ITGB5: variants seen among roughly 807,000 people sequenced by gnomAD.
ITGB5 encodes integrin subunit beta 5.
A neutral mutation model predicts 84.8 loss-of-function variants in ITGB5; 38 were observed. The observed-to-expected ratio is 0.45, with a 90% confidence interval of 0.35 to 0.59. The LOEUF is 0.59. Among genes scored for constraint, ITGB5 ranks in the 20% least tolerant of loss-of-function variants. The probability of loss-of-function intolerance (pLI) is 0.01; values close to 1 mark genes in which losing one functional copy is unlikely to be tolerated. For missense variants in ITGB5, 905 were observed against 1,034.5 expected (o/e 0.87, Z 1.72); for synonymous variants, 393 against 414.4 (o/e 0.95, Z 0.63).
At chr3:124,832,758 T>C (rs1179539196) in intron 5 of ITGB5, 2 of 152,332 alleles carry the variant, frequency 1.3e-5, no homozygotes, top group East Asian at 1.9e-4. Context: ...TTGTACACAG[T>C]AAGTACTCAA....
chr3:124,801,946 A>G lies in ITGB5; in HGVS notation c.1264-5129T>C, dbSNP rs574232781. Among the ~76,000 whole-genome samples, 269 of 152,316 alleles carry G rather than the reference A, an allele frequency of 1.8e-3. 3 individuals carry two copies. Among genetic ancestry groups the G allele is most frequent in the Non-Finnish European group, 1.0e-3 (68 of 68,030 alleles). ...ACACCCTAGCAGACACATCTTGCCA[A>G]TATGCACATGGGAGGCCCACTGATG... On this transcript the variant is annotated intron_variant, in intron 9 of 14. Coordinates refer to ENST00000296181, the MANE Select transcript of ITGB5 (RefSeq NM_002213.5).
At chr3:124,779,207 C>G (rs1309332088) in intron 10 of ITGB5, among the ~76,000 whole-genome samples, 1 of 151,602 alleles carries the variant, frequency 6.6e-6, no homozygotes, top group Non-Finnish European at 1.5e-5. Context: ...GCACCCAGAA[C>G]AGCAGAACTC....
At chr3:124,799,387 C>G (rs1007317557) in intron 9 of ITGB5, among the ~76,000 whole-genome samples, 2 of 152,098 alleles carry the variant, frequency 1.3e-5, no homozygotes. Flanking sequence ...GGCAAAACCC[C>G]ATCTCTACCA....
At chr3:124,843,532 C>T (rs1160078678) in intron 4 of ITGB5, among the ~76,000 whole-genome samples, 2 of 152,180 alleles carry the variant, frequency 1.3e-5, no homozygotes, top group African/African-American at 4.8e-5. Context: ...CAAAGAATGA[C>T]TGTTAAGTAG....
chr3:124,874,306 G>GAAAAAAAAAAAAAAAAAAAAA (rs59287818), intron 1 of ITGB5, among the ~76,000 whole-genome samples: 1 of 113,390 alleles, frequency 8.8e-6, no homozygotes. Flanking sequence ...TCAAAAGCCG[G>GAAAAAAAAAAAAAAAAAAAAA]AAAAAAAAAA....
chr3:124,842,035 C>T (rs2065018100), intron 4 of ITGB5, among the ~76,000 whole-genome samples: 1 of 152,246 alleles, frequency 6.6e-6, no homozygotes, highest in East Asian at 1.9e-4. Context: ...CACAGGATCA[C>T]ATAATCTTGT....
At chr3:124,856,905 T>C (rs952220856) in intron 3 of ITGB5, among the ~76,000 whole-genome samples, 3 of 152,196 alleles carry the variant, frequency 2.0e-5, no homozygotes, top group African/African-American at 7.2e-5. Context: ...CACAGCTCTG[T>C]AAGAGTTCCC....
chr3:124,766,228 GGCT>G lies in ITGB5; in HGVS notation c.2132_2134del (p.Glu711_Pro712delinsAla), dbSNP rs755511649. On this transcript the variant is annotated inframe_deletion, in exon 13 of 15. Coordinates refer to ENST00000296181, the MANE Select transcript of ITGB5 (RefSeq NM_002213.5). ...GAGCCCTTGCAGCCCTCACCTACCT[GGCT>G]CCCTGAGGACGGTCAGGTTGGACTT... 10 of 1,613,384 alleles carry G rather than the reference GGCT, an allele frequency of 6.2e-6. No individual in the cohort carries two copies. Among genetic ancestry groups the G allele is most frequent in the Non-Finnish European group, 8.5e-6 (10 of 1,179,806 alleles).
chr3:124,894,224 C>T (rs1204927742), intron 1 of ITGB5, among the ~76,000 whole-genome samples: 1 of 143,882 alleles, frequency 7.0e-6, no homozygotes. Flanking sequence ...GCTCCGCCTC[C>T]CAGGTTCATG....
At chr3:124,868,110 T>C (rs1002908908) in intron 2 of ITGB5, among the ~76,000 whole-genome samples, 1 of 152,172 alleles carries the variant, frequency 6.6e-6, no homozygotes, top group African/African-American at 2.4e-5. Flanking sequence ...GAAGGTGCAT[T>C]GCTTCCCCTT....
chr3:124,774,868 C>T (rs1209207775), intron 10 of ITGB5, among the ~76,000 whole-genome samples: 6 of 152,198 alleles, frequency 3.9e-5, no homozygotes, highest in African/African-American at 1.2e-4. Flanking sequence ...TGAATCCGCA[C>T]AGTGACTTAT....
At chr3:124,801,240 T>G (rs372940809) in intron 9 of ITGB5, among the ~76,000 whole-genome samples, 1 of 152,092 alleles carries the variant, frequency 6.6e-6, no homozygotes, top group East Asian at 1.9e-4. Flanking sequence ...GCATACTGAT[T>G]TGTTGAAGCC....
At chr3:124,870,745 A>G (rs75618388) in intron 2 of ITGB5, among the ~76,000 whole-genome samples, 21,723 of 150,168 alleles carry the variant, frequency 0.14, 1,720 homozygotes, top group South Asian at 0.21. Flanking sequence ...AAAAAAAAAA[A>G]AACCCCAGTG....
intron 5 of ITGB5, among the ~76,000 whole-genome samples, chr3:124,822,158 G>A (rs537909132): frequency 6.6e-6 from 1 of 152,276 alleles, no homozygotes; most frequent in Admixed American, 6.5e-5. Context: ...AATACAGTCT[G>A]TATTGGAAAG....
At chr3:124,786,514 T>A (rs1174397335) in intron 10 of ITGB5, among the ~76,000 whole-genome samples, 1 of 152,188 alleles carries the variant, frequency 6.6e-6, no homozygotes, top group East Asian at 1.9e-4. Flanking sequence ...TTCTTTAGCT[T>A]AGGGACATCT....
At chr3:124,890,348 C>T (rs1381395815), upstream of ITGB5, among the ~76,000 whole-genome samples, 1 of 151,832 alleles carries the variant, frequency 6.6e-6, no homozygotes, top group African/African-American at 2.4e-5. Context: ...GGACTACAGG[C>T]GTGTGCCACC....
intron 2 of ITGB5, among the ~76,000 whole-genome samples, chr3:124,864,318 G>C (rs1412901347): frequency 6.6e-6 from 1 of 151,834 alleles, no homozygotes; most frequent in African/African-American, 2.4e-5. Flanking sequence ...GTGTTTGCTA[G>C]AATAGTCTCG....
chr3:124,859,784 T>A (rs74809751), intron 2 of ITGB5, among the ~76,000 whole-genome samples: 3,327 of 152,252 alleles, frequency 0.022, 139 homozygotes, highest in African/African-American at 0.076. Context: ...TAAAATTTTT[T>A]AAAAGTTGTT....
rs1245617303 is a variant in ITGB5 at position 124,850,617 on chromosome 3, G to A, written c.362-2059C>T. ...TAGATGACGAGTTAGTGGGTGCAGC[G>A]CACCAGCATGGCACATGTATACATA... is the stretch of plus-strand genomic sequence containing the variant. On this transcript the variant is annotated intron_variant, in intron 3 of 14. Coordinates refer to ENST00000296181, the MANE Select transcript of ITGB5 (RefSeq NM_002213.5). 3.3e-5 allele frequency among the ~76,000 whole-genome samples: 5 copies of A among 151,150 alleles called. No individual in the cohort carries two copies. In the South Asian group the frequency reaches 6.3e-4, roughly 19 times the overall value.
Sources: allele counts gnomAD v4.1 joint callset (sites outside exome capture counted in the v4.1 genomes callset), GRCh38; gene constraint gnomAD v4.1.1; transcripts MANE v1.5; gene names NCBI Gene and HGNC (gene_info 2026-07-23, HGNC 2026-07-21).